The following HMCN1 variants were observed in gnomAD, a reference collection of about 807,000 sequenced individuals.
HMCN1 encodes hemicentin 1, also known as hemicentin-1.
HMCN1 carries 321 observed loss-of-function variants against 625.9 expected under a neutral mutation model. The ratio of observed to expected loss-of-function variants is 0.51; its 90% CI spans 0.47 to 0.56. The LOEUF (loss-of-function observed/expected upper bound fraction) is 0.56. Ranked by LOEUF, HMCN1 falls within the 20% of genes least tolerant of loss-of-function variation. The pLI is 0.00. For synonymous variants in HMCN1, 2,425 were observed against 2,417.6 expected (o/e 1.00, Z -0.09); for missense variants, 6,588 against 6,887.3 (o/e 0.96, Z 1.54).
intron 85 of HMCN1, among the ~76,000 whole-genome samples, chr1:186,131,700 AC>A (rs1194221757): frequency 6.6e-6 from 1 of 152,104 alleles, no homozygotes; most frequent in African/African-American, 2.4e-5. Context: ...CATTCACAAG[AC>A]CTTCAGCGAA....
At chr1:186,022,242 A>C (rs545544396) in intron 35 of HMCN1, among the ~76,000 whole-genome samples, 1 of 152,240 alleles carries the variant, frequency 6.6e-6, no homozygotes, top group East Asian at 1.9e-4. Context: ...TTGGATAAAA[A>C]CTATCAGACA....
chr1:185,944,767 A>G (rs1668252590), intron 11 of HMCN1, among the ~76,000 whole-genome samples: 1 of 152,194 alleles, frequency 6.6e-6, no homozygotes, highest in Admixed American at 6.5e-5. Flanking sequence ...TCAGAGCTAG[A>G]TTTTATTCAG....
chr1:185,810,363 A>G (rs916993978), intron 1 of HMCN1, among the ~76,000 whole-genome samples: 11 of 152,174 alleles, frequency 7.2e-5, no homozygotes. Context: ...TAATCAATGA[A>G]TATTTTAAGT....
chr1:186,082,816 A>G (rs1659248666), intron 56 of HMCN1, 49 bp from the exon 57 acceptor site: 7 of 986,006 alleles, frequency 7.1e-6, no homozygotes, highest in Non-Finnish European at 1.1e-5. Context: ...AAATATGACA[A>G]GTTGCTTTAT....
Position 186,093,140 on chromosome 1 carries a change from T to C in HMCN1, c.9894T>C (p.Ser3298=), listed in dbSNP as rs1202059209. The C allele has an allele frequency of 1.2e-6, 2 of 1,613,106 alleles. No homozygotes were observed. The highest frequency in any genetic ancestry group is 1.7e-6 in the Non-Finnish European group (2 of 1,179,506). Reference sequence around the variant, plus strand: ...GTTATGATCTTTTCCGTAGAGTGAGTGCAAATGGCAGCACATTAAACATTT... The same window carrying C: ...GTTATGATCTTTTCCGTAGAGTGAGCGCAAATGGCAGCACATTAAACATTT... The part of the protein sequence containing the change: ...ASGETERIRV[S]ANGSTLNIYG... The change falls in exon 65 of 107, where the codon AGT becomes AGC. Residue 3298 remains serine, a synonymous_variant. Coordinates refer to ENST00000271588, the MANE Select transcript of HMCN1 (RefSeq NM_031935.3).
chr1:185,981,526 T>C (rs547420355), intron 17 of HMCN1, among the ~76,000 whole-genome samples: 2 of 152,338 alleles, frequency 1.3e-5, no homozygotes, highest in South Asian at 2.1e-4. Flanking sequence ...CATTTGATCA[T>C]GTAGTAAGTT....
At chr1:185,751,669 T>G (rs1654825086) in intron 1 of HMCN1, among the ~76,000 whole-genome samples, 1 of 152,112 alleles carries the variant, frequency 6.6e-6, no homozygotes, top group South Asian at 2.1e-4. Context: ...CCTTTTTACC[T>G]TTCATATTTT....
intron 29 of HMCN1, 77 bp downstream of exon 29, chr1:186,003,921 C>A: frequency 7.3e-7 from 1 of 1,374,074 alleles, no homozygotes; most frequent in Non-Finnish European, 1.0e-6. Flanking sequence ...GGATTTTCTC[C>A]CTCTTAATTA....
intron 10 of HMCN1, among the ~76,000 whole-genome samples, chr1:185,929,820 T>A (rs938577049): frequency 3.9e-5 from 6 of 152,208 alleles, no homozygotes; most frequent in African/African-American, 1.4e-4. Flanking sequence ...GTTTGTCTTC[T>A]GAAACAATTT....
chr1:185,851,503 T>A (rs1662159690), intron 2 of HMCN1, among the ~76,000 whole-genome samples: 2 of 152,164 alleles, frequency 1.3e-5, no homozygotes, highest in Admixed American at 1.3e-4. Flanking sequence ...TTCACTTTCC[T>A]TTATCCTCTT....
rs560796719 is a variant in HMCN1 at position 186,171,548 on chromosome 1, A to G, written c.15688+98A>G. On this transcript the variant is annotated intron_variant, in intron 101 of 106. Transcript: ENST00000271588. ...ACACTGTGTCTTGGTACTGGTTCCTATATAGGACATCAAGCATGCAGCATG... is the reference window on the plus strand; with the variant it reads ...ACACTGTGTCTTGGTACTGGTTCCTGTATAGGACATCAAGCATGCAGCATG... 3,812 of 940,330 alleles carry G rather than the reference A, an allele frequency of 4.1e-3. 15 individuals are homozygous for G. Among genetic ancestry groups the G allele is most frequent in the Non-Finnish European group, 5.2e-3 (2,988 of 573,860 alleles). 58.2% of individuals were successfully genotyped at this position (940,330 alleles called of 1,614,324 possible).
chr1:185,895,371 C>G (rs1168309771), intron 4 of HMCN1, among the ~76,000 whole-genome samples: 1 of 152,010 alleles, frequency 6.6e-6, no homozygotes, highest in Non-Finnish European at 1.5e-5. Context: ...TTGCTGAGAG[C>G]AATACTGTAG....
At chr1:185,839,876 T>C (rs1176324654) in intron 1 of HMCN1, among the ~76,000 whole-genome samples, 1 of 152,232 alleles carries the variant, frequency 6.6e-6, no homozygotes, top group Non-Finnish European at 1.5e-5. Flanking sequence ...ATAATCTCTT[T>C]GGAAGTGGAA....
Position 185,815,480 on chromosome 1 carries a change from C to T in HMCN1, c.269-30546C>T, listed in dbSNP as rs1022569960. ...CATGCTGCCTATAAATGTACTTAAACATAGGATGTACTCCAGGAAGATTTG... is the reference window on the plus strand; with the variant it reads ...CATGCTGCCTATAAATGTACTTAAATATAGGATGTACTCCAGGAAGATTTG... On this transcript the variant is annotated intron_variant, in intron 1 of 106. Coordinates refer to ENST00000271588, the MANE Select transcript of HMCN1 (RefSeq NM_031935.3). 2.0e-5 allele frequency among the ~76,000 whole-genome samples: 3 copies of T among 150,068 alleles called. 1 individual carries two copies. The highest frequency in any genetic ancestry group is 1.3e-4 in the Admixed American group (2 of 15,228).
At chr1:185,822,706 C>T (rs1393157036) in intron 1 of HMCN1, among the ~76,000 whole-genome samples, 4 of 151,968 alleles carry the variant, frequency 2.6e-5, no homozygotes, top group Admixed American at 2.0e-4. Flanking sequence ...AAGTAGTTGC[C>T]TGGCAGGAGT....
intron 68 of HMCN1, among the ~76,000 whole-genome samples, chr1:186,102,113 T>C (rs1660409231): frequency 6.6e-6 from 1 of 152,138 alleles, no homozygotes; most frequent in Admixed American, 6.6e-5. Context: ...TGTGGAAGTC[T>C]TGGAAACCAT....
intron 89 of HMCN1, among the ~76,000 whole-genome samples, chr1:186,143,403 A>G (rs1310848671): frequency 6.6e-6 from 1 of 152,174 alleles, no homozygotes; most frequent in Non-Finnish European, 1.5e-5. Flanking sequence ...TCACGTGTAT[A>G]TAAGGAAAGC....
intron 1 of HMCN1, among the ~76,000 whole-genome samples, chr1:185,769,956 A>T (rs1656127298): frequency 6.6e-6 from 1 of 152,158 alleles, no homozygotes; most frequent in Admixed American, 6.6e-5. Context: ...CTTTCACCAT[A>T]TTCTGTTGGT....
chr1:185,867,317 C>T (rs1348009747), intron 4 of HMCN1, among the ~76,000 whole-genome samples: 6 of 152,202 alleles, frequency 3.9e-5, no homozygotes, highest in South Asian at 2.1e-4. Context: ...AATGTTTGCA[C>T]GAGAATTTGG....
Sources: allele counts gnomAD v4.1 joint callset (sites outside exome capture counted in the v4.1 genomes callset), GRCh38; gene constraint gnomAD v4.1.1; transcripts MANE v1.5; gene names NCBI Gene and HGNC (gene_info 2026-07-23, HGNC 2026-07-21).